STK39: variants seen among roughly 807,000 people sequenced by gnomAD.
The protein encoded by STK39 is serine/threonine kinase 39, also known as STE20/SPS1-related proline-alanine-rich protein kinase.
In STK39, 20 loss-of-function variants were observed where a neutral mutation model predicts 77.8. The observed-to-expected ratio is 0.26, with a 90% CI of 0.18 to 0.37. The LOEUF (loss-of-function observed/expected upper bound fraction) is 0.37, where lower values mean the gene tolerates loss of function less well. STK39 is among the 10% of genes least tolerant of loss of function. STK39 has a pLI of 1.00. For missense variants in STK39, 479 were observed against 656.5 expected, an observed-to-expected ratio of 0.73 and a Z score of 2.95; for synonymous variants, 246 against 234.1, an observed-to-expected ratio of 1.05 and a Z score of -0.47.
At chr2:167,964,979 T>C (rs1692108743) in intron 16 of STK39, among the ~76,000 whole-genome samples, 1 of 152,232 alleles carries the variant, frequency 6.6e-6, no homozygotes, top group South Asian at 2.1e-4. Context: ...GCATTTCATA[T>C]AATAAAATCT....
intron 1 of STK39, among the ~76,000 whole-genome samples, chr2:168,226,008 GAA>G (rs1690295494): frequency 6.6e-6 from 1 of 152,240 alleles, no homozygotes; most frequent in African/African-American, 2.4e-5. Flanking sequence ...AACAGGGAAA[GAA>G]GAGAGAAGCT....
Position 168,125,561 on chromosome 2 carries a change from T to C in STK39, c.1089+3980A>G, listed in dbSNP as rs1170846807. Among the ~76,000 whole-genome samples, 4 of 152,130 alleles carry C rather than the reference T, an allele frequency of 2.6e-5. No homozygotes were observed. The South Asian group carries it at 6.2e-4, about 24-fold the overall frequency. ...AGGTCCAGGAACATCCAATCTTATA[T>C]TACCCTTCACCACATGCCTGGGCCC... On this transcript the variant is annotated intron_variant, in intron 10 of 17. Coordinates refer to ENST00000355999, the MANE Select transcript of STK39 (RefSeq NM_013233.3).
chr2:168,085,252 C>T (rs908335715), intron 10 of STK39, among the ~76,000 whole-genome samples: 1 of 152,188 alleles, frequency 6.6e-6, no homozygotes, highest in African/African-American at 2.4e-5. Flanking sequence ...AGAAGGATGG[C>T]TTAAAGAACA....
Position 168,247,500 on chromosome 2 carries a change from T to C in STK39, c.-65A>G. On this transcript the variant is annotated 5_prime_UTR_variant, in exon 1 of 18. Coordinates refer to ENST00000355999, the MANE Select transcript of STK39 (RefSeq NM_013233.3). ...GACGACCTTCCACTTGAAACTTCCT[T>C]TGCCTCGCCGCCGACACCTCTCGGC... is the stretch of plus-strand genomic sequence containing the variant. 1 of 1,176,606 alleles carries C rather than the reference T, an allele frequency of 8.5e-7. No individual in the cohort carries two copies. The highest frequency in any genetic ancestry group is 1.1e-6 in the Non-Finnish European group (1 of 937,556). 72.9% of individuals were successfully genotyped at this position (1,176,606 alleles called of 1,614,324 possible).
chr2:167,992,116 T>A (rs1683714478), intron 16 of STK39, among the ~76,000 whole-genome samples: 1 of 152,142 alleles, frequency 6.6e-6, no homozygotes, highest in African/African-American at 2.4e-5. Flanking sequence ...AGTTCAAAAG[T>A]CTTCAGGGGC....
intron 16 of STK39, among the ~76,000 whole-genome samples, chr2:168,008,125 A>G (rs535020280): frequency 1.1e-4 from 16 of 152,266 alleles, no homozygotes; most frequent in African/African-American, 3.9e-4. Flanking sequence ...CATTTCATAT[A>G]AAGAATCACA....
At chr2:168,204,139 GT>G (rs1459636583) in intron 1 of STK39, among the ~76,000 whole-genome samples, 1 of 152,234 alleles carries the variant, frequency 6.6e-6, no homozygotes, top group Non-Finnish European at 1.5e-5. Context: ...GATTCTGAGG[GT>G]TTAACAGGGA....
At chr2:168,103,137 G>GA (rs138007108) in intron 10 of STK39, among the ~76,000 whole-genome samples, 3,283 of 152,088 alleles carry the variant, frequency 0.022, 116 homozygotes, top group African/African-American at 0.075. Flanking sequence ...GGCTGCACCA[G>GA]AAAAAATCAC....
At chr2:168,149,061 G>C (rs1688214142) in intron 5 of STK39, among the ~76,000 whole-genome samples, 1 of 152,138 alleles carries the variant, frequency 6.6e-6, no homozygotes, top group African/African-American at 2.4e-5. Flanking sequence ...TTTCCTACCA[G>C]AATCTTGATT....
At chr2:168,186,825 G>A (rs1689221132) in intron 1 of STK39, among the ~76,000 whole-genome samples, 1 of 152,140 alleles carries the variant, frequency 6.6e-6, no homozygotes, top group Admixed American at 6.5e-5. Flanking sequence ...AGTGGCTCAG[G>A]GTCAGAACTG....
intron 10 of STK39, among the ~76,000 whole-genome samples, chr2:168,118,015 CTTTCGGAA>C (rs1403265904): frequency 6.6e-6 from 1 of 151,994 alleles, no homozygotes; most frequent in African/African-American, 2.4e-5. Flanking sequence ...AATTATTTTC[CTTTCGGAA>C]GAAAGGAAAG....
At chr2:167,991,904 T>C (rs1043128163) in intron 16 of STK39, among the ~76,000 whole-genome samples, 1 of 152,218 alleles carries the variant, frequency 6.6e-6, no homozygotes, top group African/African-American at 2.4e-5. Flanking sequence ...TTCCAATGAG[T>C]TATCAGGAAG....
chr2:168,042,583 T>C (rs1240216159), intron 14 of STK39, among the ~76,000 whole-genome samples: 1 of 151,176 alleles, frequency 6.6e-6, no homozygotes, highest in Non-Finnish European at 1.5e-5. Flanking sequence ...CCTTCTTTTT[T>C]TTTTTTTTTT....
intron 5 of STK39, among the ~76,000 whole-genome samples, chr2:168,156,261 A>G (rs1688425622): frequency 6.6e-6 from 1 of 152,242 alleles, no homozygotes; most frequent in African/African-American, 2.4e-5. Context: ...ACAAGAAGCT[A>G]TAAGCATTTC....
chr2:168,240,833 C>T (rs1452819189), intron 1 of STK39, among the ~76,000 whole-genome samples: 1 of 152,176 alleles, frequency 6.6e-6, no homozygotes, highest in Non-Finnish European at 1.5e-5. Context: ...CAAGGGAGTA[C>T]AGGAAGTCCA....
intron 5 of STK39, among the ~76,000 whole-genome samples, chr2:168,151,094 T>G (rs1306735408): frequency 6.6e-6 from 1 of 151,888 alleles, no homozygotes. Context: ...AATCCTACAG[T>G]ATTTCCTGAG....
At chr2:168,151,523 T>C (rs1302903691) in intron 5 of STK39, among the ~76,000 whole-genome samples, 5 of 151,992 alleles carry the variant, frequency 3.3e-5, no homozygotes, top group African/African-American at 9.7e-5. Flanking sequence ...GATTGCAAGG[T>C]CAGGAGATCG....
intron 10 of STK39, among the ~76,000 whole-genome samples, chr2:168,087,631 C>A (rs563133096): frequency 6.6e-6 from 1 of 152,162 alleles, no homozygotes; most frequent in Non-Finnish European, 1.5e-5. Context: ...TTGCCTAGAC[C>A]GCCCCCATAA....
intron 10 of STK39, among the ~76,000 whole-genome samples, chr2:168,090,864 G>C (rs768624763): frequency 4.6e-5 from 7 of 152,140 alleles, no homozygotes; most frequent in Non-Finnish European, 1.0e-4. Context: ...GTAGCAGCTG[G>C]TGTCAAGAAA....
Sources: gnomAD v4.1 joint callset for allele counts (sites outside exome capture counted in the v4.1 genomes callset) on GRCh38, gnomAD v4.1.1 for gene constraint, MANE v1.5 for transcripts, NCBI Gene and HGNC (gene_info 2026-07-23, HGNC 2026-07-21) for gene names.